Variants in MORC1 observed in about 807,000 individuals in gnomAD.
MORC1 encodes the protein MORC family CW-type zinc finger 1.
In MORC1, 59 loss-of-function variants were observed where a neutral mutation model predicts 134.9. That is an observed-to-expected ratio of 0.44 (90% confidence interval 0.35 to 0.54). The LOEUF is 0.54. MORC1 is among the 20% of genes least tolerant of loss of function. The probability of loss-of-function intolerance (pLI) is 0.00; values close to 1 mark genes in which losing one functional copy is unlikely to be tolerated. For missense variants in MORC1, 947 were observed against 1,134.5 expected (o/e 0.83, Z 2.37); for synonymous variants, 395 against 391.7 (o/e 1.01, Z -0.10).
chr3:108,960,740 G>T (rs553753789), intron 27 of MORC1, among the ~76,000 whole-genome samples: 2 of 152,046 alleles, frequency 1.3e-5, no homozygotes, highest in African/African-American at 4.8e-5. Flanking sequence ...TTTTGTGACA[G>T]TTTTGACAGG....
intron 14 of MORC1, among the ~76,000 whole-genome samples, chr3:109,037,911 A>G (rs1949417265): frequency 6.6e-6 from 1 of 152,192 alleles, no homozygotes; most frequent in African/African-American, 2.4e-5. Flanking sequence ...ATACATGTGC[A>G]TGTGTCTTTA....
intron 11 of MORC1, among the ~76,000 whole-genome samples, chr3:109,061,532 T>A (rs529276876): frequency 8.7e-4 from 132 of 152,320 alleles, no homozygotes; most frequent in Non-Finnish European, 1.6e-3. Flanking sequence ...AGTATATAAT[T>A]CCTAGCACTA....
chr3:109,070,261 G>C (rs951354000), intron 8 of MORC1, among the ~76,000 whole-genome samples: 3 of 152,080 alleles, frequency 2.0e-5, no homozygotes, highest in Non-Finnish European at 4.4e-5. Context: ...AGTGCAATAA[G>C]TATTAAAATA....
chr3:109,100,439 G>C lies in MORC1; in HGVS notation c.292C>G (p.Gln98Glu). 6.2e-7 allele frequency: 1 copy of C among 1,612,968 alleles called. No individual in the cohort carries two copies. The highest frequency in any genetic ancestry group is 8.5e-7 in the Non-Finnish European group (1 of 1,179,042). Residue 98 changes from glutamine to glutamate, a missense_variant, in exon 5 of 28, where the codon CAA becomes GAA. Around this residue, in one of 3 missense-constraint regions of MORC1, gnomAD observed 214 missense variants for 281.3 expected, o/e 0.76. Transcript: ENST00000232603. ...KRLSTLKFIG[Q>E]YGNGLKSGSM... ...CACCTTTTAAGACCATTGCCGTATT[G>C]CCCTATGAACTTCAAGGTTGACAGC...
At chr3:109,082,743 A>G (rs1371043275) in intron 8 of MORC1, among the ~76,000 whole-genome samples, 3 of 151,376 alleles carry the variant, frequency 2.0e-5, no homozygotes, top group Non-Finnish European at 4.4e-5. Context: ...AGCAAAAAGT[A>G]AAAAAAAATG....
intron 14 of MORC1, among the ~76,000 whole-genome samples, chr3:109,047,380 C>T (rs192859595): frequency 3.9e-4 from 59 of 152,070 alleles, no homozygotes; most frequent in African/African-American, 1.3e-3. Context: ...ATTTGCAATA[C>T]GGCTGAGATC....
At chr3:108,988,236 C>T (rs1947949132) in intron 21 of MORC1, among the ~76,000 whole-genome samples, 1 of 152,010 alleles carries the variant, frequency 6.6e-6, no homozygotes, top group African/African-American at 2.4e-5. Context: ...TGTGTAGCTG[C>T]CTATCATTGC....
At chr3:109,028,101 C>T (rs951428475) in intron 16 of MORC1, among the ~76,000 whole-genome samples, 7 of 152,066 alleles carry the variant, frequency 4.6e-5, no homozygotes, top group Admixed American at 1.3e-4. Context: ...AAAATGTGGA[C>T]AGTACCATAT....
At position 109,118,074 on chromosome 3, in the gene MORC1, C is replaced by T. The variant is rs1165852878; in HGVS notation, c.-15G>A. On this transcript the variant is annotated 5_prime_UTR_variant, in exon 1 of 28. Transcript: ENST00000232603. ...CTGTCGTCCATGCCCTCGAACACGA[C>T]CCGCGCAACTCAAGGGGACAAGGAC... 6.2e-7 allele frequency: 1 copy of T among 1,603,726 alleles called. No individual in the cohort carries two copies. Among genetic ancestry groups the T allele is most frequent in the African/African-American group, 1.3e-5 (1 of 74,856 alleles).
rs140759403 is a variant in MORC1, at chr3:109,029,090, T to C, written c.1566-1201A>G. On this transcript the variant is annotated intron_variant, in intron 16 of 27. Transcript: ENST00000232603. ...GCAGATGAGACCCATCACTTCTCTGTTCTTCAGGGCTGCAGCATATATTTT... is the reference window on the plus strand; with the variant it reads ...GCAGATGAGACCCATCACTTCTCTGCTCTTCAGGGCTGCAGCATATATTTT... 1.5e-3 allele frequency among the ~76,000 whole-genome samples: 221 copies of C among 152,298 alleles called. 1 individual carries two copies. Among genetic ancestry groups the C allele is most frequent in the African/African-American group, 5.0e-3 (207 of 41,562 alleles).
intron 24 of MORC1, among the ~76,000 whole-genome samples, chr3:108,971,616 A>C (rs1947382288): frequency 6.6e-6 from 1 of 152,168 alleles, no homozygotes; most frequent in Admixed American, 6.5e-5. Context: ...TAAAAAGGCA[A>C]TAGGAGGGAC....
At chr3:108,970,194 T>C (rs1455969279) in intron 25 of MORC1, among the ~76,000 whole-genome samples, 2 of 151,584 alleles carry the variant, frequency 1.3e-5, no homozygotes, top group African/African-American at 2.4e-5. Context: ...GGCCCAGGAA[T>C]GAGCCTTCAG....
At chr3:109,022,537 G>T (rs1027061022) in intron 17 of MORC1, among the ~76,000 whole-genome samples, 19 of 152,204 alleles carry the variant, frequency 1.2e-4, no homozygotes, top group African/African-American at 4.3e-4. Context: ...CAGGCATGAA[G>T]TCTTATAAAT....
At chr3:109,092,194 C>T (rs1950742236) in intron 8 of MORC1, among the ~76,000 whole-genome samples, 1 of 152,092 alleles carries the variant, frequency 6.6e-6, no homozygotes, top group African/African-American at 2.4e-5. Flanking sequence ...CACAGTGGTT[C>T]CCAGCATTTG....
chr3:109,108,328 C>T (rs73216682), intron 3 of MORC1, among the ~76,000 whole-genome samples: 7,403 of 152,226 alleles, frequency 0.049, 262 homozygotes, highest in Non-Finnish European at 0.078. Flanking sequence ...GTCACAAACC[C>T]CAAAGAACAT....
chr3:109,007,824 T>C (rs887052473), intron 17 of MORC1, among the ~76,000 whole-genome samples: 1 of 152,230 alleles, frequency 6.6e-6, no homozygotes, highest in South Asian at 2.1e-4. Flanking sequence ...GAAGCCTCTT[T>C]ACTACTTCAT....
At chr3:109,108,680 A>G (rs991745246) in intron 3 of MORC1, among the ~76,000 whole-genome samples, 7 of 152,138 alleles carry the variant, frequency 4.6e-5, no homozygotes, top group African/African-American at 1.7e-4. Flanking sequence ...GGCGGATCAC[A>G]AGGTCAGGAG....
intron 8 of MORC1, among the ~76,000 whole-genome samples, chr3:109,080,723 AAAAG>A (rs2107732631): frequency 6.6e-6 from 1 of 152,326 alleles, no homozygotes; most frequent in East Asian, 1.9e-4. Context: ...TTCAGATAAA[AAAAG>A]AATATTTGCA....
chr3:109,063,145 C>A lies in MORC1; in HGVS notation c.895+7G>T, dbSNP rs750168667. 3.8e-6 allele frequency: 6 copies of A among 1,577,258 alleles called. No homozygotes were observed. Among genetic ancestry groups the A allele is most frequent in the Non-Finnish European group, 4.4e-6 (5 of 1,149,310 alleles). On this transcript the variant is annotated splice_region_variant and intron_variant, in intron 10 of 27. Coordinates refer to ENST00000232603, the MANE Select transcript of MORC1 (RefSeq NM_014429.4). ...AACAATGATGTAGGCTACAGGTAAT[C>A]GCATACCAATCTTTACTGCTTCTTC...
Sources: gnomAD v4.1 joint callset for allele counts (sites outside exome capture counted in the v4.1 genomes callset) on GRCh38, gnomAD v4.1.1 for gene constraint, gnomAD v4.1.1 regional missense constraint, MANE v1.5 for transcripts, NCBI Gene and HGNC (gene_info 2026-07-23, HGNC 2026-07-21) for gene names.